Variants in PLEKHA7 observed in about 807,000 individuals in gnomAD.
PLEKHA7 encodes pleckstrin homology domain containing A7.
Under a neutral mutation model 170.0 loss-of-function variants are expected in PLEKHA7, and 104 were observed. That is an observed-to-expected ratio of 0.61 (90% CI 0.52 to 0.72). PLEKHA7 has a LOEUF of 0.72. Among genes scored for constraint, PLEKHA7 ranks in the 30% least tolerant of loss-of-function variants. The probability of loss-of-function intolerance (pLI) is 0.00; values close to 1 mark genes in which losing one functional copy is unlikely to be tolerated. For synonymous variants in PLEKHA7, 648 were observed against 660.8 expected (o/e 0.98, Z 0.30); for missense variants, 1,615 against 1,671.7 (o/e 0.97, Z 0.59).
intron 9 of PLEKHA7, among the ~76,000 whole-genome samples, chr11:16,835,123 G>T (rs542823157): frequency 2.0e-4 from 30 of 151,748 alleles, no homozygotes; most frequent in Non-Finnish European, 3.7e-4. Flanking sequence ...TACAAAAAAT[G>T]AGCCAGGCAC....
intron 4 of PLEKHA7, among the ~76,000 whole-genome samples, chr11:16,860,564 G>A (rs1049593349): frequency 1.3e-5 from 2 of 152,164 alleles, no homozygotes; most frequent in Admixed American, 1.3e-4. Context: ...TGCATGCCAG[G>A]CACTTGGCCT....
intron 8 of PLEKHA7, among the ~76,000 whole-genome samples, chr11:16,844,259 C>T (rs1365132325): frequency 2.6e-5 from 4 of 152,148 alleles, no homozygotes; most frequent in Non-Finnish European, 4.4e-5. Flanking sequence ...TGTCTATTTG[C>T]GAATGAGTCT....
intron 3 of PLEKHA7, among the ~76,000 whole-genome samples, chr11:16,972,780 G>A (rs139280626): frequency 6.6e-6 from 1 of 152,124 alleles, no homozygotes; most frequent in Non-Finnish European, 1.5e-5. Flanking sequence ...AACATAAATA[G>A]CCATTAACTT....
intron 4 of PLEKHA7, among the ~76,000 whole-genome samples, chr11:16,865,513 T>A (rs1041193756): frequency 6.6e-6 from 1 of 152,102 alleles, no homozygotes; most frequent in Admixed American, 6.6e-5. Context: ...TGCTTGAGGC[T>A]AGAAGTTCAA....
chr11:16,844,600 G>A (rs751469219), intron 8 of PLEKHA7, among the ~76,000 whole-genome samples: 2 of 152,182 alleles, frequency 1.3e-5, no homozygotes, highest in Non-Finnish European at 2.9e-5. Context: ...ATAATCCTAT[G>A]AAGCAACTTT....
intron 3 of PLEKHA7, among the ~76,000 whole-genome samples, chr11:16,907,252 A>G (rs1204569249): frequency 1.5e-4 from 18 of 117,822 alleles, no homozygotes; most frequent in South Asian, 3.2e-4. Flanking sequence ...CCGTCCGGGA[A>G]GGATGTGGGG....
chr11:16,973,953 A>C (rs372515618), intron 3 of PLEKHA7, among the ~76,000 whole-genome samples: 2 of 152,200 alleles, frequency 1.3e-5, no homozygotes, highest in East Asian at 3.8e-4. Flanking sequence ...TTGAGCCTGC[A>C]TGACCCCTCT....
At chr11:17,000,254 T>C (rs1864585538) in intron 3 of PLEKHA7, among the ~76,000 whole-genome samples, 1 of 151,980 alleles carries the variant, frequency 6.6e-6, no homozygotes, top group South Asian at 2.1e-4. Context: ...CCAACTAATT[T>C]TTTTTGTTTT....
At chr11:16,787,691 A>C (rs1849491459) in intron 23 of PLEKHA7, 1 of 152,246 alleles carries the variant, frequency 6.6e-6, no homozygotes, top group African/African-American at 2.4e-5. Flanking sequence ...ATTGGCGTTG[A>C]TGCAGAGACT....
At chr11:17,004,028 G>C (rs989590007) in intron 3 of PLEKHA7, among the ~76,000 whole-genome samples, 1 of 152,210 alleles carries the variant, frequency 6.6e-6, no homozygotes, top group Non-Finnish European at 1.5e-5. Flanking sequence ...AGACTGAACA[G>C]GGGGAACTCG....
intron 3 of PLEKHA7, among the ~76,000 whole-genome samples, chr11:16,936,986 C>G (rs1342781199): frequency 1.3e-5 from 2 of 152,242 alleles, no homozygotes; most frequent in Non-Finnish European, 2.9e-5. Context: ...TTCCCTCCCC[C>G]TGAGCCTCAG....
intron 15 of PLEKHA7, 31 bp downstream of exon 15, chr11:16,802,941 C>T: frequency 6.4e-7 from 1 of 1,552,724 alleles, no homozygotes. Context: ...TCCCTCTGCC[C>T]ATTCCAAGAT....
intron 7 of PLEKHA7, among the ~76,000 whole-genome samples, chr11:16,852,023 A>C (rs1196203762): frequency 4.6e-5 from 7 of 152,186 alleles, no homozygotes; most frequent in Non-Finnish European, 8.8e-5. Context: ...AATCCAGATG[A>C]CAGGTTACAA....
intron 3 of PLEKHA7, among the ~76,000 whole-genome samples, chr11:16,939,288 C>G (rs926967221): frequency 3.3e-5 from 5 of 152,096 alleles, no homozygotes; most frequent in African/African-American, 1.2e-4. Flanking sequence ...GTGGTGCACG[C>G]CTATAACCCC....
In PLEKHA7 at chr11:16,794,579, A is replaced by C; in HGVS notation, c.2654T>G (p.Leu885Arg). The part of the protein sequence containing the change: ...TPLEVRLFPQ[L>R]QTYVPYRPHP... ...AGGTCGGTACGGCACGTAGGTTTGC[A>C]GCTGGGGGAAGAGTCGAACCTCCAG... Residue 885 changes from leucine to arginine, a missense_variant, in exon 19 of 27, where the codon CTG (leucine) becomes CGG (arginine). Leu to Arg is a moderately radical substitution (Grantham distance 102). Coordinates refer to ENST00000531066, the MANE Select transcript of PLEKHA7 (RefSeq NM_001329630.2). 6.2e-7 allele frequency: 1 copy of C among 1,613,558 alleles called. No homozygotes were observed. The highest frequency in any genetic ancestry group is 8.5e-7 in the Non-Finnish European group (1 of 1,179,738).
intron 3 of PLEKHA7, among the ~76,000 whole-genome samples, chr11:17,002,138 C>A (rs1864703227): frequency 6.6e-6 from 1 of 152,218 alleles, no homozygotes; most frequent in Non-Finnish European, 1.5e-5. Context: ...CACTCTTCTA[C>A]CCTGCCTTTC....
chr11:16,919,680 G>GA (rs1398688355), intron 3 of PLEKHA7, among the ~76,000 whole-genome samples: 19 of 148,816 alleles, frequency 1.3e-4, no homozygotes, highest in East Asian at 9.9e-4. Context: ...TTAAAAATTT[G>GA]AGAAAAAAAG....
chr11:16,802,693 G>A (rs1382497809), intron 15 of PLEKHA7, among the ~76,000 whole-genome samples: 6 of 152,050 alleles, frequency 3.9e-5, no homozygotes, highest in Non-Finnish European at 4.4e-5. Context: ...GATTACAGGT[G>A]CCCACCACCA....
At chr11:16,968,105 G>C (rs1033048819) in intron 3 of PLEKHA7, among the ~76,000 whole-genome samples, 8 of 152,174 alleles carry the variant, frequency 5.3e-5, no homozygotes, top group Non-Finnish European at 1.2e-4. Context: ...AGAGGGAATA[G>C]ACTGCTAATG....
Sources: allele counts gnomAD v4.1 joint callset (sites outside exome capture counted in the v4.1 genomes callset), GRCh38; gene constraint gnomAD v4.1.1; transcripts MANE v1.5; gene names NCBI Gene and HGNC (gene_info 2026-07-23, HGNC 2026-07-21).